The following LPCAT1 variants were observed in gnomAD, a reference collection of about 807,000 sequenced individuals.
The protein encoded by LPCAT1 is 1-acylglycerol-3-phosphate O-acyltransferase.
LPCAT1 carries 23 observed loss-of-function variants against 60.9 expected under a neutral mutation model. The observed-to-expected ratio is 0.38, with a 90% CI of 0.27 to 0.53. LPCAT1 has a LOEUF of 0.53. LPCAT1 is among the 20% of genes least tolerant of loss of function. The pLI is 0.82. For synonymous variants in LPCAT1, 340 were observed against 301.1 expected (o/e 1.13, Z -1.34); for missense variants, 622 against 723.6 (o/e 0.86, Z 1.61).
At chr5:1,506,635 G>A (rs1313423527) in intron 1 of LPCAT1, among the ~76,000 whole-genome samples, 1 of 152,236 alleles carries the variant, frequency 6.6e-6, no homozygotes, top group African/African-American at 2.4e-5. Flanking sequence ...GGGTGGCCAA[G>A]GGAGGTGCTG....
chr5:1,520,860 C>CAAAAAAAAAAAA (rs59074953), intron 1 of LPCAT1, among the ~76,000 whole-genome samples: 35 of 81,966 alleles, frequency 4.3e-4, no homozygotes, highest in Non-Finnish European at 6.5e-4. Flanking sequence ...GAGACTGTCT[C>CAAAAAAAAAAAA]AAAAAAAAAA....
In LPCAT1 at chr5:1,496,289, G is replaced by T. The variant is rs561127928; in HGVS notation, c.279-1375C>A. On this transcript the variant is annotated intron_variant, in intron 2 of 13. Transcript: ENST00000283415. The surrounding 1 kb of genome is among the most constrained non-coding windows in gnomAD (Gnocchi z 4.7). ...GGCAGGAGAACTGCTTGAACCCAAG[G>T]GGCGGAGGTTGCAGTGAGCCGAGAT... Among the ~76,000 whole-genome samples, 158 of 152,110 alleles carry T rather than the reference G, an allele frequency of 1.0e-3. 1 individual carries two copies. The highest frequency in any genetic ancestry group is 3.6e-3 in the African/African-American group (149 of 41,492).
intron 2 of LPCAT1, among the ~76,000 whole-genome samples, chr5:1,499,655 G>A (rs1215915558): frequency 6.6e-6 from 1 of 152,002 alleles, no homozygotes; most frequent in African/African-American, 2.4e-5. Context: ...GCTGCCCCAG[G>A]TCACCACTAC....
In LPCAT1 at chr5:1,483,486, C is replaced by A. The variant is rs1335535148; in HGVS notation, c.668G>T (p.Gly223Val). The change falls in exon 6 of 14, where the codon GGT (glycine) becomes GTT (valine). Residue 223 changes from glycine to valine, a missense_variant and splice_region_variant. Gly to Val is a moderately radical substitution (Grantham distance 109). Transcript: ENST00000283415. This position sits in a 1 kb window ranked among gnomAD's most constrained non-coding sequence, Gnocchi z 9.2. ...NRTCLITFKP[G>V]AFIPGAPVQP... Reference sequence around the variant, plus strand: ...GACGGGCGCTCCAGGGATGAATGCACCTGCCGAGAAAGGAACAGCGGTGTT... The same window carrying A: ...GACGGGCGCTCCAGGGATGAATGCAACTGCCGAGAAAGGAACAGCGGTGTT... 6.2e-7 allele frequency: 1 copy of A among 1,613,724 alleles called. No individual in the cohort carries two copies. Among genetic ancestry groups the A allele is most frequent in the Non-Finnish European group, 8.5e-7 (1 of 1,179,990 alleles).
chr5:1,523,413 G>A lies in LPCAT1; in HGVS notation c.135+297C>T, dbSNP rs2963273. 6.6e-6 allele frequency among the ~76,000 whole-genome samples: 1 copy of A among 151,750 alleles called. No homozygotes were observed. The highest frequency in any genetic ancestry group is 2.4e-5 in the African/African-American group (1 of 41,394). ...TGTGGGCCCGGTTCAGGGTGCAGGGGTCTGGGGGGAGGAGCAGAACGCGGG... is the reference window on the plus strand; with the variant it reads ...TGTGGGCCCGGTTCAGGGTGCAGGGATCTGGGGGGAGGAGCAGAACGCGGG... On this transcript the variant is annotated intron_variant, in intron 1 of 13. Coordinates refer to ENST00000283415, the MANE Select transcript of LPCAT1 (RefSeq NM_024830.5). This position sits in a 1 kb window ranked among gnomAD's most constrained non-coding sequence, Gnocchi z 7.1.
intron 3 of LPCAT1, 133 bp downstream of exon 3, chr5:1,494,567 G>A (rs1252540154): frequency 5.0e-6 from 4 of 794,316 alleles, no homozygotes; most frequent in Non-Finnish European, 8.2e-6. Context: ...AACAGAGGGG[G>A]TCTCACTCAT....
intron 1 of LPCAT1, among the ~76,000 whole-genome samples, chr5:1,510,539 A>T (rs1023633163): frequency 1.3e-5 from 2 of 152,212 alleles, no homozygotes; most frequent in African/African-American, 2.4e-5. Context: ...AACCCACTCC[A>T]GTCCACGGGC....
chr5:1,464,583 C>T (rs1734248852), intron 13 of LPCAT1, among the ~76,000 whole-genome samples: 1 of 151,738 alleles, frequency 6.6e-6, no homozygotes, highest in Non-Finnish European at 1.5e-5. Flanking sequence ...CACACGGTAA[C>T]CAAACACACA....
chr5:1,491,933 C>A (rs995845052), intron 3 of LPCAT1, among the ~76,000 whole-genome samples: 3 of 152,190 alleles, frequency 2.0e-5, no homozygotes, highest in Non-Finnish European at 2.9e-5. Flanking sequence ...AAAGGGTCCA[C>A]GAAAGGAACC....
chr5:1,522,969 G>A lies in LPCAT1; in HGVS notation c.135+741C>T, dbSNP rs1275314808. On this transcript the variant is annotated intron_variant, in intron 1 of 13. Coordinates refer to ENST00000283415, the MANE Select transcript of LPCAT1 (RefSeq NM_024830.5). The surrounding 1 kb of genome is among the most constrained non-coding windows in gnomAD (Gnocchi z 6.8). Reference sequence around the variant, plus strand: ...TCCCCTCACCACTGTCCCATCGCAGGATCTCAGCAAACCGTTCCCTCCCAC... The same window carrying A: ...TCCCCTCACCACTGTCCCATCGCAGAATCTCAGCAAACCGTTCCCTCCCAC... Among the ~76,000 whole-genome samples the A allele has an allele frequency of 6.6e-6, 1 of 152,152 alleles. No homozygotes were observed. Among genetic ancestry groups the A allele is most frequent in the Non-Finnish European group, 1.5e-5 (1 of 68,018 alleles).
intron 12 of LPCAT1, among the ~76,000 whole-genome samples, chr5:1,468,677 T>C (rs976185210): frequency 1.3e-5 from 2 of 152,258 alleles, no homozygotes; most frequent in African/African-American, 4.8e-5. Context: ...TTTTACACAG[T>C]AATGATAACG....
At chr5:1,475,750 G>A (rs897697749) in intron 9 of LPCAT1, among the ~76,000 whole-genome samples, 2 of 150,930 alleles carry the variant, frequency 1.3e-5, no homozygotes, top group Non-Finnish European at 3.0e-5. Context: ...GGGGCTGCAC[G>A]GCCCCGCCCA....
At chr5:1,485,931 T>G (rs747007947) in intron 5 of LPCAT1, among the ~76,000 whole-genome samples, 3 of 152,238 alleles carry the variant, frequency 2.0e-5, no homozygotes, top group African/African-American at 4.8e-5. Context: ...CTCTGCATCC[T>G]CGGGCTGTCA....
chr5:1,472,831 G>A (rs182835861), intron 11 of LPCAT1, among the ~76,000 whole-genome samples: 6 of 152,130 alleles, frequency 3.9e-5, no homozygotes, highest in Admixed American at 2.6e-4. Context: ...ACTCGCATCC[G>A]AGACACTGTT....
chr5:1,475,232 G>A (rs1454261493), intron 9 of LPCAT1, among the ~76,000 whole-genome samples: 3 of 152,236 alleles, frequency 2.0e-5, no homozygotes, highest in Non-Finnish European at 4.4e-5. Flanking sequence ...GTTGAGAGCC[G>A]CTGAAGTTCC....
chr5:1,504,347 A>T (rs36977), intron 1 of LPCAT1, among the ~76,000 whole-genome samples: 2 of 152,152 alleles, frequency 1.3e-5, no homozygotes, highest in African/African-American at 4.8e-5. Context: ...CCTTCAGCCC[A>T]CCTGGTCCCG....
chr5:1,492,149 A>G (rs1735609651), intron 3 of LPCAT1, among the ~76,000 whole-genome samples: 1 of 148,902 alleles, frequency 6.7e-6, no homozygotes, highest in Admixed American at 6.7e-5. Context: ...AGCTGGGACC[A>G]CGGGAGATGT....
Position 1,505,715 on chromosome 5 carries a change from G to A in LPCAT1, c.136-4112C>T, listed in dbSNP as rs2937645. Among the ~76,000 whole-genome samples, 956 of 152,270 alleles carry A rather than the reference G, an allele frequency of 6.3e-3. 11 individuals are homozygous for A. Among genetic ancestry groups the A allele is most frequent in the African/African-American group, 0.022 (920 of 41,552 alleles). On this transcript the variant is annotated intron_variant, in intron 1 of 13. Transcript: ENST00000283415. Reference sequence around the variant, plus strand: ...AAGACTGGGCGACCACCTGAGCCTCGACTTACACATTCCTGCACCTACTCC... The same window carrying A: ...AAGACTGGGCGACCACCTGAGCCTCAACTTACACATTCCTGCACCTACTCC...
In LPCAT1 at chr5:1,483,679, G is replaced by A. The variant is rs1735252458; in HGVS notation, c.668-193C>T. Among the ~76,000 whole-genome samples, 1 of 152,248 alleles carries A rather than the reference G, an allele frequency of 6.6e-6. No homozygotes were observed. Among genetic ancestry groups the A allele is most frequent in the Admixed American group, 6.5e-5 (1 of 15,290 alleles). Reference sequence around the variant, plus strand: ...ACACCCAGCGCCACAGCACGGATGGGCAGGAACATCGGCCAGGGGCGCTCC... The same window carrying A: ...ACACCCAGCGCCACAGCACGGATGGACAGGAACATCGGCCAGGGGCGCTCC... On this transcript the variant is annotated intron_variant, in intron 5 of 13. Transcript: ENST00000283415. This position sits in a 1 kb window ranked among gnomAD's most constrained non-coding sequence, Gnocchi z 9.2.
Sources: allele counts gnomAD v4.1 joint callset (sites outside exome capture counted in the v4.1 genomes callset), GRCh38; gene constraint gnomAD v4.1.1; non-coding constraint Gnocchi (gnomAD v3.1); transcripts MANE v1.5; gene names NCBI Gene and HGNC (gene_info 2026-07-23, HGNC 2026-07-21).